The following SLC45A4 variants were observed in gnomAD, a reference collection of about 807,000 sequenced individuals.
The protein encoded by SLC45A4 is solute carrier family 45 member 4.
In SLC45A4, 32 loss-of-function variants were observed where a neutral mutation model predicts 63.7. The ratio of observed to expected loss-of-function variants is 0.50; its 90% CI spans 0.38 to 0.67. SLC45A4 has a LOEUF of 0.67. SLC45A4 is among the 30% of genes least tolerant of loss of function. The pLI is 0.00. For missense variants in SLC45A4, 1,027 were observed against 1,157.7 expected (o/e 0.89, Z 1.64); for synonymous variants, 535 against 510.0 (o/e 1.05, Z -0.66).
In SLC45A4 at chr8:141,296,823, G is replaced by A. The variant is rs539530783; in HGVS notation, c.-401+11273C>T. On this transcript the variant is annotated intron_variant, in intron 1 of 8. Transcript: ENST00000517878. ...TATACTCCAGCCTGGGTGACACAGC[G>A]AGACTCCATTGCCAAAAAAAAAAAA... Among the ~76,000 whole-genome samples the A allele has an allele frequency of 4.4e-4, 53 of 120,378 alleles. 1 individual carries two copies. In the Middle Eastern group the frequency reaches 0.022, roughly 50 times the overall value. 79.0% of individuals were successfully genotyped at this position (120,378 alleles called of 152,430 possible). A position where few individuals can be genotyped will look rare whatever the true frequency, so the allele number is the denominator to read the frequency against.
At chr8:141,222,865 T>G (rs529807540) in intron 2 of SLC45A4, among the ~76,000 whole-genome samples, 1 of 152,304 alleles carries the variant, frequency 6.6e-6, no homozygotes, top group East Asian at 1.9e-4. Flanking sequence ...GGGTCGGGTG[T>G]CTGTTCTTGA....
At position 141,256,734 on chromosome 8, in the gene SLC45A4, G is replaced by A. The variant is rs139512765; in HGVS notation, c.-400-2105C>T. The A allele has an allele frequency of 4.8e-6, 2 of 416,766 alleles. No homozygotes were observed. Among genetic ancestry groups the A allele is most frequent in the East Asian group, 1.5e-4 (2 of 13,678 alleles). The allele number at this position is 416,766 out of a possible 1,614,324, so 25.8% of individuals were successfully genotyped here. A position where few individuals can be genotyped will look rare whatever the true frequency, so the allele number is the denominator to read the frequency against. ...CCTGAACGTCGCTACGATTCCACAC[G>A]ACAGCCCTCGAGAATTCTTTCAAGT... On this transcript the variant is annotated intron_variant, in intron 1 of 8. Coordinates refer to ENST00000517878, the MANE Select transcript of SLC45A4 (RefSeq NM_001286646.2). This position sits in a 1 kb window ranked among gnomAD's most constrained non-coding sequence, Gnocchi z 4.3.
At position 141,274,458 on chromosome 8, in the gene SLC45A4, C is replaced by T. The variant is rs547400083; in HGVS notation, c.-400-19829G>A. Among the ~76,000 whole-genome samples, 10 of 146,786 alleles carry T rather than the reference C, an allele frequency of 6.8e-5. No individual in the cohort carries two copies. In the South Asian group the frequency reaches 2.2e-3, roughly 32 times the overall value. On this transcript the variant is annotated intron_variant, in intron 1 of 8. Transcript: ENST00000517878. ...CTGAGGCAGGAGAATCGCTTGAACC[C>T]GGGAGGCGGAGGTTGCAGTGAGCCG...
intron 2 of SLC45A4, among the ~76,000 whole-genome samples, chr8:141,245,171 T>C (rs1172223930): frequency 6.6e-6 from 1 of 152,146 alleles, no homozygotes; most frequent in Non-Finnish European, 1.5e-5. Flanking sequence ...AAGCACATCA[T>C]ATGTGTCAAC....
chr8:141,299,767 C>A (rs986251438), intron 1 of SLC45A4, among the ~76,000 whole-genome samples: 1 of 152,214 alleles, frequency 6.6e-6, no homozygotes, highest in Non-Finnish European at 1.5e-5. Flanking sequence ...CTCTGCTGTA[C>A]CTGTTCTTCT....
chr8:141,225,173 T>A (rs1003454941), intron 2 of SLC45A4: 1 of 152,182 alleles, frequency 6.6e-6, no homozygotes, highest in Non-Finnish European at 1.5e-5. Flanking sequence ...AACGGTCGCC[T>A]TTTCTTTTTT....
At chr8:141,286,704 T>C (rs1337341095) in intron 1 of SLC45A4, among the ~76,000 whole-genome samples, 2 of 151,224 alleles carry the variant, frequency 1.3e-5, no homozygotes, top group Non-Finnish European at 2.9e-5. Context: ...TTAACTTCTT[T>C]CCCACTTGTT....
At chr8:141,275,658 T>C (rs949319852) in intron 1 of SLC45A4, among the ~76,000 whole-genome samples, 14 of 151,624 alleles carry the variant, frequency 9.2e-5, no homozygotes, top group South Asian at 2.1e-4. Flanking sequence ...GCAATGCTTA[T>C]TACACCACTA....
In SLC45A4 at chr8:141,308,260, C is replaced by G. The variant is rs908338102; in HGVS notation, c.-565G>C. 6 of 147,532 alleles carry G rather than the reference C, an allele frequency of 4.1e-5. No homozygotes were observed. Among genetic ancestry groups the G allele is most frequent in the African/African-American group, 1.5e-4 (6 of 40,876 alleles). 9.1% of individuals were successfully genotyped at this position (147,532 alleles called of 1,614,324 possible). ...CCGGCCGGGCGGTCAGTCAGCGACGCGGGCGCGGAGAGAGCGCTGCGAGGC... is the reference window on the plus strand; with the variant it reads ...CCGGCCGGGCGGTCAGTCAGCGACGGGGGCGCGGAGAGAGCGCTGCGAGGC... On this transcript the variant is annotated 5_prime_UTR_variant, in exon 1 of 9. Transcript: ENST00000517878.
Position 141,218,477 on chromosome 8 carries a change from C to T in SLC45A4, c.1163G>A (p.Gly388Asp). ...LNEAKVPNGSGSPTKDALGGY... is the reference protein window; with the variant it reads ...LNEAKVPNGSDSPTKDALGGY... ...GCCGAGGGCGTCTTTTGTGGGGGAG[C>T]CACTTCCGTTTGGGACTTTAGCTTC... Residue 388 changes from glycine (G) to aspartate (D), a missense_variant, in exon 5 of 9, where the codon GGC (glycine) becomes GAC (aspartate). By Grantham distance (94) the Gly-to-Asp change is moderately conservative (BLOSUM62 -1). Transcript: ENST00000517878. The T allele has an allele frequency of 2.5e-6, 4 of 1,613,230 alleles. No individual in the cohort carries two copies. The highest frequency in any genetic ancestry group is 3.4e-6 in the Non-Finnish European group (4 of 1,179,950).
At chr8:141,217,540 C>G (rs1826235568) in intron 5 of SLC45A4, among the ~76,000 whole-genome samples, 1 of 152,172 alleles carries the variant, frequency 6.6e-6, no homozygotes, top group Non-Finnish European at 1.5e-5. Context: ...CAGACTGGAC[C>G]AGAAAGGGAG....
chr8:141,240,670 TAG>T (rs1827866554), intron 2 of SLC45A4, among the ~76,000 whole-genome samples: 1 of 152,168 alleles, frequency 6.6e-6, no homozygotes, highest in African/African-American at 2.4e-5. Flanking sequence ...GCCTGGCAGG[TAG>T]AGGTCAGAGG....
Position 141,229,013 on chromosome 8 carries a change from C to T in SLC45A4, c.242-7248G>A, listed in dbSNP as rs529279986. Reference sequence around the variant, plus strand: ...TGCCTCCTCGGCTGCACATCCCCGCCGTACACTTGTCTCCCCATCGGCTCC... The same window carrying T: ...TGCCTCCTCGGCTGCACATCCCCGCTGTACACTTGTCTCCCCATCGGCTCC... On this transcript the variant is annotated intron_variant, in intron 2 of 8. Coordinates refer to ENST00000517878, the MANE Select transcript of SLC45A4 (RefSeq NM_001286646.2). The surrounding 1 kb of genome is among the most constrained non-coding windows in gnomAD (Gnocchi z 5.0). Among the ~76,000 whole-genome samples the T allele has an allele frequency of 9.8e-4, 149 of 152,256 alleles. No homozygotes were observed. Among genetic ancestry groups the T allele is most frequent in the African/African-American group, 3.4e-3 (140 of 41,522 alleles).
Position 141,221,681 on chromosome 8 carries a change from C to T in SLC45A4, c.326G>A (p.Ser109Asn), listed in dbSNP as rs1480763946. Residue 109 changes from serine to asparagine, a missense_variant, in exon 3 of 9, where the codon AGT becomes AAT. By Grantham distance (46) the Ser-to-Asn change is conservative. Coordinates refer to ENST00000517878, the MANE Select transcript of SLC45A4 (RefSeq NM_001286646.2). ...LIFTPLIGSA[S>N]DRCTLSWGRR... is the part of the protein sequence containing the mutation. Reference sequence around the variant, plus strand: ...GCCCCAGCTCAGGGTGCACCGGTCACTCGCAGACCCAATGAGAGGTGTGAA... The same window carrying T: ...GCCCCAGCTCAGGGTGCACCGGTCATTCGCAGACCCAATGAGAGGTGTGAA... 3.1e-6 allele frequency: 5 copies of T among 1,614,008 alleles called. No individual in the cohort carries two copies. The Admixed American group carries it at 8.3e-5, about 27-fold the overall frequency.
chr8:141,239,987 A>G (rs113982482), intron 2 of SLC45A4, among the ~76,000 whole-genome samples: 8 of 152,364 alleles, frequency 5.3e-5, no homozygotes, highest in African/African-American at 1.7e-4. Context: ...TCAAGAGTAG[A>G]CTTTTCCCAG....
At chr8:141,267,543 T>C (rs1829323560) in intron 1 of SLC45A4, among the ~76,000 whole-genome samples, 1 of 152,244 alleles carries the variant, frequency 6.6e-6, no homozygotes, top group African/African-American at 2.4e-5. Context: ...GAAAGTAGGA[T>C]GCACATGATG....
In SLC45A4 at chr8:141,223,976, C is replaced by A. The variant is rs1355609272; in HGVS notation, c.242-2211G>T. Among the ~76,000 whole-genome samples, 3 of 151,974 alleles carry A rather than the reference C, an allele frequency of 2.0e-5. No individual in the cohort carries two copies. In the East Asian group the frequency reaches 5.8e-4, roughly 29 times the overall value. Reference sequence around the variant, plus strand: ...TCTGACTTTTCATCTGATATCCCTTCGCTTAATCCTGAAGGATTTTCTGTA... The same window carrying A: ...TCTGACTTTTCATCTGATATCCCTTAGCTTAATCCTGAAGGATTTTCTGTA... On this transcript the variant is annotated intron_variant, in intron 2 of 8. Transcript: ENST00000517878.
At position 141,207,980 on chromosome 8, in the gene SLC45A4, G is replaced by A. The variant is rs575143795; in HGVS notation, c.*3592C>T. 1.5e-4 allele frequency: 23 copies of A among 152,526 alleles called. No individual in the cohort carries two copies. Among genetic ancestry groups the A allele is most frequent in the African/African-American group, 4.8e-4 (20 of 41,596 alleles). The allele number at this position is 152,526 out of a possible 1,614,324, so 9.4% of individuals were successfully genotyped here. ...CCCTCACGACAGGCCTGTGGCACCA[G>A]GCTTGGAGGCAGGGAGCTGGTGTCT... On this transcript the variant is annotated 3_prime_UTR_variant, in exon 9 of 9. Coordinates refer to ENST00000517878, the MANE Select transcript of SLC45A4 (RefSeq NM_001286646.2).
At chr8:141,298,081 T>A (rs1287515149) in intron 1 of SLC45A4, among the ~76,000 whole-genome samples, 2 of 151,760 alleles carry the variant, frequency 1.3e-5, no homozygotes, top group Non-Finnish European at 2.9e-5. Flanking sequence ...CCATCCCCCG[T>A]GTCCACACTC....
Sources: gnomAD v4.1 joint callset for allele counts (sites outside exome capture counted in the v4.1 genomes callset) on GRCh38, gnomAD v4.1.1 for gene constraint, Gnocchi (gnomAD v3.1) non-coding constraint, MANE v1.5 for transcripts, NCBI Gene and HGNC (gene_info 2026-07-23, HGNC 2026-07-21) for gene names.